Variants in FOXO1 observed in about 807,000 individuals in gnomAD.
FOXO1 encodes forkhead box O1.
A neutral mutation model predicts 44.1 loss-of-function variants in FOXO1; 6 were observed. The observed-to-expected ratio is 0.14, with a 90% CI of 0.07 to 0.27. The LOEUF (loss-of-function observed/expected upper bound fraction) is 0.27. Among genes scored for constraint, FOXO1 ranks in the 10% least tolerant of loss-of-function variants. The pLI, the probability that FOXO1 is intolerant of heterozygous loss-of-function variation, is 1.00. For synonymous variants in FOXO1, 380 were observed against 362.7 expected (o/e 1.05, Z -0.54); for missense variants, 737 against 888.8 (o/e 0.83, Z 2.17).
At chr13:40,601,658 T>G (rs527529587) in intron 1 of FOXO1, among the ~76,000 whole-genome samples, 1 of 152,350 alleles carries the variant, frequency 6.6e-6, no homozygotes, top group East Asian at 1.9e-4. Context: ...TCTGTTAAAA[T>G]TCTCAGTGAT....
At chr13:40,620,603 G>T in intron 1 of FOXO1, 1 of 428,618 alleles carries the variant, frequency 2.3e-6, no homozygotes, top group South Asian at 2.9e-5. Context: ...ATTGAGAACT[G>T]AGTAACCTTA....
intron 1 of FOXO1, among the ~76,000 whole-genome samples, chr13:40,651,067 A>G (rs1030432357): frequency 5.3e-5 from 8 of 150,360 alleles, no homozygotes; most frequent in Admixed American, 2.6e-4. Context: ...GCCACCACGC[A>G]CTGCCTAGTT....
chr13:40,644,601 T>C (rs1372532310), intron 1 of FOXO1, among the ~76,000 whole-genome samples: 1 of 152,088 alleles, frequency 6.6e-6, no homozygotes. Context: ...TTCTAAAGTG[T>C]TTTTCAGGAG....
At chr13:40,629,939 T>C (rs1876906977) in intron 1 of FOXO1, among the ~76,000 whole-genome samples, 1 of 152,222 alleles carries the variant, frequency 6.6e-6, no homozygotes, top group African/African-American at 2.4e-5. Flanking sequence ...CCAGAGGACC[T>C]ACAACAAGTA....
At chr13:40,646,940 T>G (rs1474239128) in intron 1 of FOXO1, among the ~76,000 whole-genome samples, 1 of 152,170 alleles carries the variant, frequency 6.6e-6, no homozygotes, top group African/African-American at 2.4e-5. Flanking sequence ...CAGGACACAC[T>G]ACCCCAAAAT....
Position 40,663,462 on chromosome 13 carries a change from A to G in FOXO1, c.630+2121T>C, listed in dbSNP as rs373015828. ...CAGCAAGTTGAAGTAGGTTGTATCC[A>G]TTTCCAAGGACTAAAGAATGGTGTA... On this transcript the variant is annotated intron_variant, in intron 1 of 2. Transcript: ENST00000379561. Among the ~76,000 whole-genome samples, 8 of 152,320 alleles carry G rather than the reference A, an allele frequency of 5.3e-5. No individual in the cohort carries two copies. In the East Asian group the frequency reaches 1.3e-3, roughly 26 times the overall value.
chr13:40,662,337 G>A (rs554639113), intron 1 of FOXO1, among the ~76,000 whole-genome samples: 29 of 151,838 alleles, frequency 1.9e-4, no homozygotes, highest in African/African-American at 5.6e-4. Context: ...ACTCAAAACT[G>A]CCATTTATTA....
chr13:40,613,915 C>A (rs1288280552), intron 1 of FOXO1, among the ~76,000 whole-genome samples: 1 of 152,136 alleles, frequency 6.6e-6, no homozygotes, highest in Non-Finnish European at 1.5e-5. Context: ...CTTTAACAGA[C>A]AGAAGAAAGT....
At chr13:40,646,007 T>C (rs1334142088) in intron 1 of FOXO1, among the ~76,000 whole-genome samples, 1 of 148,618 alleles carries the variant, frequency 6.7e-6, no homozygotes, top group Non-Finnish European at 1.5e-5. Flanking sequence ...GCAGAGGTTG[T>C]GATGAGCCTA....
intron 1 of FOXO1, chr13:40,619,665 T>G (rs1448780621): frequency 5.3e-6 from 8 of 1,504,092 alleles, no homozygotes; most frequent in South Asian, 4.5e-5. Context: ...ATTTCAATGG[T>G]GGTAGTTCCA....
At chr13:40,591,108 G>C (rs1034521753) in intron 1 of FOXO1, among the ~76,000 whole-genome samples, 1 of 152,030 alleles carries the variant, frequency 6.6e-6, no homozygotes, top group Non-Finnish European at 1.5e-5. Flanking sequence ...GACTGCTTCA[G>C]AGTTCAACAG....
Position 40,559,910 on chromosome 13 carries a change from A to G in FOXO1, c.1581T>C (p.His527=), listed in dbSNP as rs1457335035. 3.7e-6 allele frequency: 6 copies of G among 1,614,178 alleles called. No homozygotes were observed. Among genetic ancestry groups the G allele is most frequent in the Non-Finnish European group, 4.2e-6 (5 of 1,180,024 alleles). The part of the protein sequence containing the change: ...MNPSSHTHPG[H]AQQTSAVNGR... ...CGTTAACTGCAGATGTCTGCTGAGC[A>G]TGTCCAGGGTGGGTATGGGAGCTGG... Residue 527 remains histidine, a synonymous_variant, in exon 2 of 3, where the codon CAT becomes CAC. Coordinates refer to ENST00000379561, the MANE Select transcript of FOXO1 (RefSeq NM_002015.4).
chr13:40,604,869 A>G (rs1027127160), intron 1 of FOXO1, among the ~76,000 whole-genome samples: 2 of 152,154 alleles, frequency 1.3e-5, no homozygotes, highest in Non-Finnish European at 1.5e-5. Context: ...CTAAAATTCA[A>G]TTGGTTCCTA....
chr13:40,592,688 G>A (rs1400288377), intron 1 of FOXO1, among the ~76,000 whole-genome samples: 1 of 152,150 alleles, frequency 6.6e-6, no homozygotes, highest in Non-Finnish European at 1.5e-5. Context: ...GCACAGTCAG[G>A]AAACCAGACT....
intron 1 of FOXO1, among the ~76,000 whole-genome samples, chr13:40,577,728 A>T (rs755817203): frequency 6.6e-6 from 1 of 152,162 alleles, no homozygotes; most frequent in Non-Finnish European, 1.5e-5. Context: ...GTCGGGATTT[A>T]AAAATATTAT....
chr13:40,617,302 G>A lies in FOXO1; in HGVS notation c.630+48281C>T, dbSNP rs560538366. ...CTCTACTAAAAATACAAAATTAGCCGGACGTGGTGGCACATGCCTGTAATC... is the reference window on the plus strand; with the variant it reads ...CTCTACTAAAAATACAAAATTAGCCAGACGTGGTGGCACATGCCTGTAATC... On this transcript the variant is annotated intron_variant, in intron 1 of 2. Coordinates refer to ENST00000379561, the MANE Select transcript of FOXO1 (RefSeq NM_002015.4). Among the ~76,000 whole-genome samples, 10 of 152,176 alleles carry A rather than the reference G, an allele frequency of 6.6e-5. No individual in the cohort carries two copies. In the East Asian group the frequency reaches 7.7e-4, roughly 12 times the overall value.
rs1873858368 is a variant in FOXO1, at chr13:40,558,824, T to C, written c.*225A>G. On this transcript the variant is annotated 3_prime_UTR_variant, in exon 3 of 3. Transcript: ENST00000379561. ...AATTTCCAATGGCACAGTCCTTATC[T>C]ACAGCAGCACATAACCTGCACACAT... The C allele has an allele frequency of 5.0e-6, 2 of 398,912 alleles. No homozygotes were observed. Among genetic ancestry groups the C allele is most frequent in the Admixed American group, 4.4e-5 (1 of 22,722 alleles). The allele number at this position is 398,912 out of a possible 1,614,324, so 24.7% of individuals were successfully genotyped here. A position where few individuals can be genotyped will look rare whatever the true frequency, so the allele number is the denominator to read the frequency against.
In FOXO1 at chr13:40,560,763, C is replaced by T; in HGVS notation, c.728G>A (p.Gly243Asp). ...CCTAGGAGATTTCCCGCTCTTGCCA[C>T]CCTCTGGATTGAGCATCCACCAAGA... ...KSSWWMLNPE[G>D]GKSGKSPRRR... Residue 243 changes from glycine (G) to aspartate (D), a missense_variant, in exon 2 of 3, where the codon GGT becomes GAT. Coordinates refer to ENST00000379561, the MANE Select transcript of FOXO1 (RefSeq NM_002015.4). This position sits in a 1 kb window ranked among gnomAD's most constrained non-coding sequence, Gnocchi z 5.1. 6.2e-7 allele frequency: 1 copy of T among 1,614,198 alleles called. No individual in the cohort carries two copies. Among genetic ancestry groups the T allele is most frequent in the East Asian group, 2.2e-5 (1 of 44,882 alleles).
intron 1 of FOXO1, among the ~76,000 whole-genome samples, chr13:40,652,869 G>T (rs1299122769): frequency 6.6e-6 from 1 of 152,018 alleles, no homozygotes; most frequent in Admixed American, 6.6e-5. Flanking sequence ...TGGTTATTTT[G>T]CTTTCAAGCT....
Sources: gnomAD v4.1 joint callset for allele counts (sites outside exome capture counted in the v4.1 genomes callset) on GRCh38, gnomAD v4.1.1 for gene constraint, Gnocchi (gnomAD v3.1) non-coding constraint, MANE v1.5 for transcripts, NCBI Gene and HGNC (gene_info 2026-07-23, HGNC 2026-07-21) for gene names.